PCDH15: variants seen among roughly 807,000 people sequenced by gnomAD.
The protein encoded by PCDH15 is protocadherin related 15.
PCDH15 carries 129 observed loss-of-function variants against 178.5 expected under a neutral mutation model. The ratio of observed to expected loss-of-function variants is 0.72; its 90% CI spans 0.63 to 0.84. The LOEUF (loss-of-function observed/expected upper bound fraction) is 0.84, where lower values mean the gene tolerates loss of function less well. Ranked by LOEUF, PCDH15 falls within the 40% of genes least tolerant of loss-of-function variation. PCDH15 has a pLI of 0.00. For synonymous variants in PCDH15, 800 were observed against 732.0 expected (o/e 1.09, Z -1.50); for missense variants, 2,230 against 2,099.9 (o/e 1.06, Z -1.21).
intron 27 of PCDH15, among the ~76,000 whole-genome samples, chr10:53,864,907 A>T (rs541166395): frequency 2.0e-5 from 3 of 152,170 alleles, no homozygotes; most frequent in Non-Finnish European, 4.4e-5. Context: ...TCAAAACACC[A>T]ACGACATGGA....
chr10:53,841,410 T>G (rs529379067), intron 28 of PCDH15, among the ~76,000 whole-genome samples: 1 of 152,332 alleles, frequency 6.6e-6, no homozygotes, highest in Non-Finnish European at 1.5e-5. Flanking sequence ...CAATATATTC[T>G]AAAGTCCTTT....
At chr10:55,310,219 C>G (rs1191430624) in intron 1 of PCDH15, among the ~76,000 whole-genome samples, 2 of 152,120 alleles carry the variant, frequency 1.3e-5, no homozygotes, top group Non-Finnish European at 2.9e-5. Context: ...GCCTTCTCCT[C>G]TAGCATGTGA....
chr10:55,039,008 C>G (rs771345927), intron 2 of PCDH15, among the ~76,000 whole-genome samples: 3 of 152,092 alleles, frequency 2.0e-5, no homozygotes, highest in Non-Finnish European at 2.9e-5. Context: ...AGGTGCGGTT[C>G]TAAATTGTAA....
chr10:54,152,297 T>C (rs1341346838), intron 14 of PCDH15, among the ~76,000 whole-genome samples: 1 of 152,140 alleles, frequency 6.6e-6, no homozygotes, highest in East Asian at 1.9e-4. Flanking sequence ...GCATGTTGAG[T>C]GTTAAATATT....
chr10:54,581,736 AT>A (rs1379486683), intron 2 of PCDH15, among the ~76,000 whole-genome samples: 1 of 152,146 alleles, frequency 6.6e-6, no homozygotes, highest in African/African-American at 2.4e-5. Context: ...ACATAGACGT[AT>A]GGAACAGAAA....
chr10:54,070,301 T>G (rs2094214807), intron 17 of PCDH15, among the ~76,000 whole-genome samples: 1 of 151,850 alleles, frequency 6.6e-6, no homozygotes, highest in Non-Finnish European at 1.5e-5. Flanking sequence ...CCTCCCAGGT[T>G]TAAACAATTC....
At chr10:55,590,125 A>G (rs372992914) in intron 2 of PCDH15, among the ~76,000 whole-genome samples, 1,780 of 151,784 alleles carry the variant, frequency 0.012, 9 homozygotes, top group South Asian at 0.022. Context: ...ATGGAATACT[A>G]TGCAGCCATA....
intron 1 of PCDH15, among the ~76,000 whole-genome samples, chr10:54,776,147 T>C (rs1220220325): frequency 6.6e-6 from 1 of 152,172 alleles, no homozygotes; most frequent in Non-Finnish European, 1.5e-5. Flanking sequence ...TGTATATGTG[T>C]CATATTTTCT....
At chr10:54,156,425 T>C (rs1011962713) in intron 13 of PCDH15, among the ~76,000 whole-genome samples, 3 of 152,120 alleles carry the variant, frequency 2.0e-5, no homozygotes, top group African/African-American at 7.2e-5. Context: ...GTGCATCTTA[T>C]GTGGCGGCAG....
chr10:54,578,343 A>T (rs2090716418), intron 2 of PCDH15, among the ~76,000 whole-genome samples: 1 of 152,064 alleles, frequency 6.6e-6, no homozygotes, highest in Non-Finnish European at 1.5e-5. Flanking sequence ...GATAAAGAAA[A>T]TGCTCATTAT....
At chr10:54,725,452 GGATCACTT>G (rs1353432789) in intron 1 of PCDH15, among the ~76,000 whole-genome samples, 19 of 146,886 alleles carry the variant, frequency 1.3e-4, no homozygotes, top group African/African-American at 4.7e-4. Context: ...CAAGGTGGAA[GGATCACTT>G]GAACTCAGAA....
intron 8 of PCDH15, among the ~76,000 whole-genome samples, chr10:54,271,241 C>T (rs1469743538): frequency 3.3e-5 from 5 of 152,034 alleles, no homozygotes; most frequent in South Asian, 2.1e-4. Flanking sequence ...GACAGAGTGT[C>T]GCTCTGTCAC....
intron 2 of PCDH15, among the ~76,000 whole-genome samples, chr10:55,608,128 G>T (rs1460760755): frequency 6.6e-6 from 1 of 151,932 alleles, no homozygotes; most frequent in East Asian, 2.0e-4. Context: ...TACACATAGA[G>T]TACAAACTGG....
At chr10:54,754,943 T>TTCCC (rs201851994) in intron 1 of PCDH15, among the ~76,000 whole-genome samples, 1,048 of 55,320 alleles carry the variant, frequency 0.019, 18 homozygotes, top group African/African-American at 0.079. Context: ...TTTTTCTTTC[T>TTCCC]TTTTTTTTTT....
intron 2 of PCDH15, among the ~76,000 whole-genome samples, chr10:55,444,066 T>C (rs1290714199): frequency 1.3e-5 from 2 of 148,496 alleles, no homozygotes; most frequent in Non-Finnish European, 3.0e-5. Context: ...TCCTCACTCA[T>C]AAGTGGGAGT....
chr10:54,938,225 ATTT>A (rs969599959), intron 2 of PCDH15, among the ~76,000 whole-genome samples: 1 of 150,972 alleles, frequency 6.6e-6, no homozygotes, highest in Non-Finnish European at 1.5e-5. Context: ...ATTAAGTGAA[ATTT>A]TTTTGTCTAT....
At chr10:54,420,839 A>C (rs1278730804) in intron 3 of PCDH15, among the ~76,000 whole-genome samples, 1 of 152,082 alleles carries the variant, frequency 6.6e-6, no homozygotes, top group East Asian at 1.9e-4. Context: ...TTTCTAATAA[A>C]TATGATATGC....
In PCDH15 at chr10:53,823,289, T is replaced by C. The variant is rs141623033; in HGVS notation, c.4368-3059A>G. On this transcript the variant is annotated intron_variant, in intron 32 of 37. Coordinates refer to ENST00000644397, the MANE Select transcript of PCDH15 (RefSeq NM_001384140.1). ...TGGAAGAAAAGGGCATCACAACTTG[T>C]TGATGTTTCCTGTCTTCTGAGACTG... The C allele has an allele frequency of 4.3e-6, 7 of 1,614,064 alleles. No individual in the cohort carries two copies. The highest frequency in any genetic ancestry group is 1.7e-5 in the Admixed American group (1 of 60,012).
At chr10:54,928,982 G>T (rs1260811425) in intron 2 of PCDH15, among the ~76,000 whole-genome samples, 11 of 152,196 alleles carry the variant, frequency 7.2e-5, no homozygotes, top group African/African-American at 2.4e-4. Flanking sequence ...TGATGTGGTT[G>T]TCTGGAGGAA....
Sources: gnomAD v4.1 joint callset for allele counts (sites outside exome capture counted in the v4.1 genomes callset) on GRCh38, gnomAD v4.1.1 for gene constraint, MANE v1.5 for transcripts, NCBI Gene and HGNC (gene_info 2026-07-23, HGNC 2026-07-21) for gene names.